ARSF: variants seen among roughly 807,000 people sequenced by gnomAD.
The protein encoded by ARSF is arylsulfatase F.
Under a neutral mutation model 35.4 loss-of-function variants are expected in ARSF, and 33 were observed. That is an observed-to-expected ratio of 0.93 (90% confidence interval 0.71 to 1.25). The LOEUF is 1.25. Among genes scored for constraint, ARSF ranks in the 50% most tolerant of loss-of-function variants. The pLI, the probability that ARSF is intolerant of heterozygous loss-of-function variation, is 0.00. For missense variants in ARSF, 501 were observed against 480.2 expected, an observed-to-expected ratio of 1.04 and a Z score of -0.40; for synonymous variants, 222 against 193.1, an observed-to-expected ratio of 1.15 and a Z score of -1.24.
intron 1 of ARSF, 132 bp from the exon 2 acceptor site, chrX:3,067,941 T>A: frequency 2.3e-6 from 1 of 434,533 alleles, no homozygotes; most frequent in East Asian, 4.1e-5. Flanking sequence ...AATTTAAAAA[T>A]GTCGGAATTA....
At chrX:3,104,533 A>G (rs776322906) in intron 9 of ARSF, among the ~76,000 whole-genome samples, 52 of 112,476 alleles carry the variant, frequency 4.6e-4, no homozygotes, top group African/African-American at 1.6e-3. Context: ...ATAAACATGG[A>G]AATGCAGCTA....
At chrX:3,098,473 G>A (rs1307862764) in intron 7 of ARSF, among the ~76,000 whole-genome samples, 1 of 110,899 alleles carries the variant, frequency 9.0e-6, no homozygotes, top group African/African-American at 3.3e-5. Context: ...GGACCTGGTG[G>A]GAGATAATTG....
Position 3,070,507 on chromosome X carries a change from C to T in ARSF, c.12-1519C>T, listed in dbSNP as rs139607394. Among the ~76,000 whole-genome samples the T allele has an allele frequency of 7.5e-4, 83 of 111,176 alleles. 1 individual carries two copies. The East Asian group carries it at 8.3e-3, about 11-fold the overall frequency. On this transcript the variant is annotated intron_variant, in intron 2 of 10. Transcript: ENST00000381127. The stretch of plus-strand genomic sequence containing the variant: ...TTAACCTCAGGAGTCTTATCGTCTC[C>T]GTCCTCTGCAATGATTTGCCCCTGA...
At chrX:3,094,587 A>G (rs888301227) in intron 7 of ARSF, among the ~76,000 whole-genome samples, 2 of 111,812 alleles carry the variant, frequency 1.8e-5, no homozygotes, top group African/African-American at 6.5e-5. Context: ...AAGAATGCAG[A>G]TAAGAAAGTA....
intron 1 of ARSF, among the ~76,000 whole-genome samples, chrX:3,057,852 G>A (rs1048839289): frequency 5.4e-5 from 6 of 111,480 alleles, no homozygotes; most frequent in African/African-American, 1.6e-4. Flanking sequence ...TATGTACAAG[G>A]ACTGTATTAA....
intron 7 of ARSF, among the ~76,000 whole-genome samples, chrX:3,100,308 C>G (rs1024554328): frequency 8.9e-6 from 1 of 112,459 alleles, no homozygotes; most frequent in Non-Finnish European, 1.9e-5. Flanking sequence ...TCCTCAAATT[C>G]TGTAACAATG....
intron 1 of ARSF, among the ~76,000 whole-genome samples, chrX:3,056,765 G>A (rs1001275780): frequency 2.4e-4 from 27 of 111,382 alleles, no homozygotes; most frequent in Non-Finnish European, 1.5e-4. Flanking sequence ...TAGACAGGCC[G>A]ACTGCTTTAT....
chrX:3,105,268 C>A (rs746935870), intron 9 of ARSF, among the ~76,000 whole-genome samples: 2 of 111,843 alleles, frequency 1.8e-5, no homozygotes, highest in East Asian at 5.6e-4. Context: ...CAAGACACAT[C>A]CCCAAGTTTG....
chrX:3,075,907 C>T (rs1056123190), intron 3 of ARSF, among the ~76,000 whole-genome samples: 8 of 108,776 alleles, frequency 7.4e-5, no homozygotes, highest in African/African-American at 2.3e-4. Context: ...CTCTGTATCT[C>T]TCTCTGTGTC....
Position 3,055,492 on chromosome X carries a change from T to G in ARSF, c.-28-12581T>G, listed in dbSNP as rs369026482. Among the ~76,000 whole-genome samples, 51 of 110,435 alleles carry G rather than the reference T, an allele frequency of 4.6e-4. 1 individual carries two copies. The South Asian group carries it at 0.018, about 40-fold the overall frequency. On this transcript the variant is annotated intron_variant, in intron 1 of 10. Transcript: ENST00000381127. Reference sequence around the variant, plus strand: ...GTTCAAGTCAACCAGTCAGGAAATATAAAGAATGATCAAGGAAACCTCCAA... The same window carrying G: ...GTTCAAGTCAACCAGTCAGGAAATAGAAAGAATGATCAAGGAAACCTCCAA...
intron 8 of ARSF, among the ~76,000 whole-genome samples, chrX:3,103,418 T>TA (rs954936212): frequency 9.1e-6 from 1 of 109,909 alleles, no homozygotes; most frequent in Non-Finnish European, 1.9e-5. Context: ...AAATATTAAT[T>TA]AAAAAAAATA....
chrX:3,096,759 T>C (rs1021894466), intron 7 of ARSF, among the ~76,000 whole-genome samples: 1 of 111,674 alleles, frequency 9.0e-6, no homozygotes, highest in Non-Finnish European at 1.9e-5. Flanking sequence ...AGTTTTTAAA[T>C]CAAGGTGGCA....
chrX:3,110,989 C>A (rs2090441167), intron 10 of ARSF, among the ~76,000 whole-genome samples: 1 of 112,056 alleles, frequency 8.9e-6, no homozygotes, highest in African/African-American at 3.2e-5. Context: ...CCAGGGAACT[C>A]TAATGTTCTC....
chrX:3,078,071 G>A (rs756075654), intron 4 of ARSF, among the ~76,000 whole-genome samples: 9 of 108,270 alleles, frequency 8.3e-5, no homozygotes, highest in Non-Finnish European at 1.3e-4. Flanking sequence ...CCCAGAGTGC[G>A]GGGATTATAG....
At position 3,110,103 on chromosome X, in the gene ARSF, A is replaced by G. The variant is rs369057951; in HGVS notation, c.1266-25A>G. ...AACGTCCCTTCTCCTCATTTTCCTTATCTGCACTGTCTGTGTCTCTGCAGG... is the reference window on the plus strand; with the variant it reads ...AACGTCCCTTCTCCTCATTTTCCTTGTCTGCACTGTCTGTGTCTCTGCAGG... On this transcript the variant is annotated intron_variant, in intron 9 of 10. Transcript: ENST00000381127. 5.3e-6 allele frequency: 6 copies of G among 1,137,391 alleles called. No homozygotes were observed. In the African/African-American group the frequency reaches 1.1e-4, roughly 21 times the overall value. 93.7% of individuals were successfully genotyped at this position (1,137,391 alleles called of 1,213,427 possible). A position where few individuals can be genotyped will look rare whatever the true frequency, so the allele number is the denominator to read the frequency against.
intron 5 of ARSF, among the ~76,000 whole-genome samples, chrX:3,082,387 CCTGT>C (rs773328933): frequency 1.2e-4 from 13 of 111,307 alleles, no homozygotes; most frequent in African/African-American, 2.0e-4. Flanking sequence ...CATCCATCTA[CCTGT>C]CTATCTATCT....
intron 1 of ARSF, among the ~76,000 whole-genome samples, chrX:3,043,443 T>C (rs1258107764): frequency 7.1e-5 from 8 of 112,093 alleles, no homozygotes; most frequent in Non-Finnish European, 1.1e-4. Flanking sequence ...AAGGAGATCA[T>C]TGGTTAGAAC....
At chrX:3,096,532 C>T (rs1298649470) in intron 7 of ARSF, among the ~76,000 whole-genome samples, 1 of 111,401 alleles carries the variant, frequency 9.0e-6, no homozygotes, top group Non-Finnish European at 1.9e-5. Flanking sequence ...ACTGAATAAA[C>T]TGATAGGAAA....
At chrX:3,085,353 A>G (rs1258655249) in intron 6 of ARSF, among the ~76,000 whole-genome samples, 1 of 106,586 alleles carries the variant, frequency 9.4e-6, no homozygotes, top group African/African-American at 3.4e-5. Flanking sequence ...CCTGATACAT[A>G]TAGATAAATA....
Sources: allele counts gnomAD v4.1 joint callset (sites outside exome capture counted in the v4.1 genomes callset), GRCh38; gene constraint gnomAD v4.1.1; transcripts MANE v1.5; gene names NCBI Gene and HGNC (gene_info 2026-07-23, HGNC 2026-07-21).